AGBL1: variants seen among roughly 807,000 people sequenced by gnomAD.
AGBL1 encodes cytosolic carboxypeptidase 4.
Under a neutral mutation model 118.9 loss-of-function variants are expected in AGBL1, and 130 were observed. That is an observed-to-expected ratio of 1.09 (90% confidence interval 0.95 to 1.26). The LOEUF is 1.26. Ranked by LOEUF, AGBL1 falls within the 50% of genes most tolerant of loss-of-function variation. AGBL1 has a pLI of 0.00. For synonymous variants in AGBL1, 555 were observed against 478.9 expected, an observed-to-expected ratio of 1.16 and a Z score of -2.08; for missense variants, 1,584 against 1,298.1, an observed-to-expected ratio of 1.22 and a Z score of -3.38.
chr15:86,802,668 T>C (rs953989870), intron 22 of AGBL1, among the ~76,000 whole-genome samples: 1 of 152,176 alleles, frequency 6.6e-6, no homozygotes. Context: ...CACAGTCTAG[T>C]AATTGAGGGA....
chr15:86,247,931 T>C, intron 7 of AGBL1, 52 bp downstream of exon 7: 3 of 1,585,394 alleles, frequency 1.9e-6, no homozygotes, highest in Non-Finnish European at 1.7e-6. Context: ...GGGTGATTCC[T>C]GAAGGCTGTC....
chr15:86,470,595 A>G (rs1596155230), intron 18 of AGBL1, among the ~76,000 whole-genome samples: 1 of 152,272 alleles, frequency 6.6e-6, no homozygotes, highest in Non-Finnish European at 1.5e-5. Flanking sequence ...TAATTTTGAG[A>G]GGGATGGCAT....
chr15:86,121,734 A>G (rs1285853757), intron 1 of AGBL1, among the ~76,000 whole-genome samples: 1 of 152,212 alleles, frequency 6.6e-6, no homozygotes, highest in Non-Finnish European at 1.5e-5. Flanking sequence ...CCCTGTCTCA[A>G]CCAGCATAAT....
At chr15:86,917,754 G>GT (rs2080441980), downstream of AGBL1, among the ~76,000 whole-genome samples, 1 of 148,426 alleles carries the variant, frequency 6.7e-6, no homozygotes, top group Non-Finnish European at 1.5e-5. This position sits in a 1 kb window ranked among gnomAD's most constrained non-coding sequence, Gnocchi z 4.8. Flanking sequence ...GGGGAGTGGG[G>GT]CCAGGGGTGT....
At chr15:86,279,560 G>C in intron 15 of AGBL1, 79 bp from the exon 16 acceptor site, 1 of 1,375,836 alleles carries the variant, frequency 7.3e-7, no homozygotes, top group South Asian at 1.3e-5. Flanking sequence ...AAGATTTATA[G>C]CATCTAGGAC....
At chr15:86,283,400 G>C (rs1436764882) in intron 16 of AGBL1, among the ~76,000 whole-genome samples, 1 of 149,412 alleles carries the variant, frequency 6.7e-6, no homozygotes, top group Non-Finnish European at 1.5e-5. Context: ...GATCTTAAAG[G>C]ATAGAGCAGA....
intron 22 of AGBL1, among the ~76,000 whole-genome samples, chr15:86,772,831 A>G (rs956048772): frequency 2.0e-5 from 3 of 152,096 alleles, no homozygotes; most frequent in Admixed American, 1.3e-4. Flanking sequence ...ATTGAGCAAC[A>G]TGCATGCTAT....
intron 1 of AGBL1, among the ~76,000 whole-genome samples, chr15:86,100,177 G>T (rs1215585976): frequency 6.6e-6 from 1 of 152,116 alleles, no homozygotes; most frequent in East Asian, 1.9e-4. Context: ...TGTATCCCTG[G>T]TATAAATCCC....
chr15:86,128,918 G>T (rs1346934305), intron 1 of AGBL1, among the ~76,000 whole-genome samples: 1 of 152,134 alleles, frequency 6.6e-6, no homozygotes, highest in Non-Finnish European at 1.5e-5. Flanking sequence ...TCCAGTTCTT[G>T]ACCTGAAGTG....
chr15:86,397,621 G>A (rs751480136), intron 18 of AGBL1, 75 bp downstream of exon 18: 107 of 1,401,344 alleles, frequency 7.6e-5, no homozygotes, highest in East Asian at 3.0e-4. Context: ...CCAAGTAGGC[G>A]TGATTGGAGA....
At chr15:86,204,151 A>G (rs1369444509) in intron 5 of AGBL1, among the ~76,000 whole-genome samples, 3 of 152,114 alleles carry the variant, frequency 2.0e-5, no homozygotes, top group Non-Finnish European at 2.9e-5. Context: ...AAGAGCTCTA[A>G]GCTTGTCAAG....
chr15:86,682,603 C>T (rs1254656111), intron 22 of AGBL1, among the ~76,000 whole-genome samples: 1 of 151,860 alleles, frequency 6.6e-6, no homozygotes, highest in African/African-American at 2.4e-5. Context: ...TTACTCAAGA[C>T]AATAAACATA....
chr15:86,080,206 A>G (rs1467716570), intron 1 of AGBL1, 183 bp downstream of exon 1: 1 of 403,686 alleles, frequency 2.5e-6, no homozygotes. Flanking sequence ...TTCAAATATT[A>G]AACACGACGA....
At position 86,335,434 on chromosome 15, in the gene AGBL1, G is replaced by T. The variant is rs768950735; in HGVS notation, c.2374+40026G>T. 2.6e-5 allele frequency among the ~76,000 whole-genome samples: 4 copies of T among 152,252 alleles called. No individual in the cohort carries two copies. In the East Asian group the frequency reaches 7.7e-4, roughly 29 times the overall value. On this transcript the variant is annotated intron_variant, in intron 17 of 22. Coordinates refer to ENST00000614907, the MANE Select transcript of AGBL1 (RefSeq NM_001386094.1). ...ATTACAGGTGTGACCCACCATGCCT[G>T]GCCTAGATTGAGAAGTTCGAAGAAG...
intron 23 of AGBL1, among the ~76,000 whole-genome samples, chr15:86,937,201 G>T (rs1371897645): frequency 1.3e-5 from 2 of 152,238 alleles, no homozygotes; most frequent in African/African-American, 2.4e-5. Flanking sequence ...TTCACTGTTA[G>T]TGGGAGTGTA....
chr15:86,698,620 T>C (rs2086303479), intron 22 of AGBL1, among the ~76,000 whole-genome samples: 1 of 151,734 alleles, frequency 6.6e-6, no homozygotes, highest in African/African-American at 2.4e-5. Flanking sequence ...GTTTTTTTTT[T>C]TTTTTAAAAA....
intron 21 of AGBL1, among the ~76,000 whole-genome samples, chr15:86,565,480 G>A (rs542483312): frequency 4.6e-5 from 7 of 152,340 alleles, no homozygotes; most frequent in South Asian, 4.1e-4. Context: ...CTGCCTGATC[G>A]TTCCTCTGGA....
At chr15:86,292,060 G>A (rs533682050) in intron 16 of AGBL1, among the ~76,000 whole-genome samples, 1 of 152,300 alleles carries the variant, frequency 6.6e-6, no homozygotes, top group Non-Finnish European at 1.5e-5. Flanking sequence ...TATTGCTCAT[G>A]TTGGCATGGT....
At chr15:86,182,959 T>C (rs1472693741) in intron 5 of AGBL1, among the ~76,000 whole-genome samples, 1 of 152,214 alleles carries the variant, frequency 6.6e-6, no homozygotes, top group Non-Finnish European at 1.5e-5. Context: ...ACTAATATGA[T>C]GCTCCCCATT....
Sources: allele counts gnomAD v4.1 joint callset (sites outside exome capture counted in the v4.1 genomes callset), GRCh38; gene constraint gnomAD v4.1.1; non-coding constraint Gnocchi (gnomAD v3.1); transcripts MANE v1.5; gene names NCBI Gene and HGNC (gene_info 2026-07-23, HGNC 2026-07-21).